PARD3B: variants seen among roughly 807,000 people sequenced by gnomAD.
The protein encoded by PARD3B is partitioning defective 3 homolog B.
In PARD3B, 103 loss-of-function variants were observed where a neutral mutation model predicts 130.2. That is an observed-to-expected ratio of 0.79 (90% CI 0.67 to 0.93). PARD3B has a LOEUF of 0.93. Ranked by LOEUF, PARD3B falls within the 40% of genes least tolerant of loss-of-function variation. The pLI, the probability that PARD3B is intolerant of heterozygous loss-of-function variation, is 0.00. For synonymous variants in PARD3B, 583 were observed against 553.2 expected (o/e 1.05, Z -0.76); for missense variants, 1,609 against 1,499.2 (o/e 1.07, Z -1.21).
chr2:205,054,418 ATATATATATATATATATATTTTTTT>A (rs1343330439), intron 4 of PARD3B, among the ~76,000 whole-genome samples: 1 of 17,184 alleles, frequency 5.8e-5, no homozygotes, highest in African/African-American at 2.1e-4. Flanking sequence ...ATATATATAT[ATATATATATATATATATATTTTTTT>A]TTTTTTTTTT....
chr2:204,928,909 A>G (rs1383220067), intron 2 of PARD3B, among the ~76,000 whole-genome samples: 1 of 152,092 alleles, frequency 6.6e-6, no homozygotes, highest in East Asian at 1.9e-4. Flanking sequence ...ACCCATGGAC[A>G]GTATCTTAGA....
chr2:205,451,602 C>T (rs2106197129), intron 20 of PARD3B, among the ~76,000 whole-genome samples: 1 of 151,162 alleles, frequency 6.6e-6, no homozygotes, highest in South Asian at 2.1e-4. Context: ...TTATGTAGAC[C>T]CTCTTTTATA....
At chr2:204,972,855 G>A (rs931653309) in intron 3 of PARD3B, among the ~76,000 whole-genome samples, 3 of 152,056 alleles carry the variant, frequency 2.0e-5, no homozygotes, top group Non-Finnish European at 2.9e-5. Context: ...TTAGACCCCT[G>A]GGTTTTTAAG....
At chr2:205,598,263 G>A (rs539831864) in intron 22 of PARD3B, among the ~76,000 whole-genome samples, 9 of 152,046 alleles carry the variant, frequency 5.9e-5, no homozygotes, top group South Asian at 2.1e-4. Flanking sequence ...GTAAAGGAAT[G>A]GCGAAAGATG....
Position 205,128,975 on chromosome 2 carries a change from A to G in PARD3B, c.1434+3238A>G, listed in dbSNP as rs2125640927. 6.6e-6 allele frequency among the ~76,000 whole-genome samples: 1 copy of G among 152,338 alleles called. No individual in the cohort carries two copies. The highest frequency in any genetic ancestry group is 1.5e-5 in the Non-Finnish European group (1 of 68,024). On this transcript the variant is annotated intron_variant, in intron 10 of 22. Coordinates refer to ENST00000406610, the MANE Select transcript of PARD3B (RefSeq NM_001302769.2). The surrounding 1 kb of genome is among the most constrained non-coding windows in gnomAD (Gnocchi z 4.5). ...TTCTATCCCAGAATGACATAGGCCA[A>G]GTCCACCAGGGAGCATATTAAGTTA...
Position 205,172,317 on chromosome 2 carries a change from T to C in PARD3B, c.1727T>C (p.Met576Thr), listed in dbSNP as rs2035219398. The C allele has an allele frequency of 1.2e-6, 2 of 1,613,986 alleles. No homozygotes were observed. Among genetic ancestry groups the C allele is most frequent in the Admixed American group, 1.7e-5 (1 of 59,984 alleles). ...AMETLRRSMS[M>T]EGNIRGMIQL... ...GAAACACTTAGGCGGTCAATGTCCA[T>C]GGAGGGAAACATCCGAGGGATGATC... Residue 576 changes from methionine to threonine, a missense_variant, in exon 12 of 23, where the codon ATG becomes ACG. Coordinates refer to ENST00000406610, the MANE Select transcript of PARD3B (RefSeq NM_001302769.2).
chr2:205,365,465 A>T (rs909225824), intron 18 of PARD3B, among the ~76,000 whole-genome samples: 2 of 150,554 alleles, frequency 1.3e-5, no homozygotes, highest in African/African-American at 4.9e-5. Context: ...ACAGCATCGA[A>T]TCCGTTTACA....
At chr2:205,555,415 A>G (rs958561888) in intron 22 of PARD3B, among the ~76,000 whole-genome samples, 1 of 152,108 alleles carries the variant, frequency 6.6e-6, no homozygotes, top group Non-Finnish European at 1.5e-5. Context: ...AGTACAACCA[A>G]TGCTTCTGTT....
chr2:204,899,213 TC>T (rs2046759151), intron 2 of PARD3B, among the ~76,000 whole-genome samples: 1 of 90,122 alleles, frequency 1.1e-5, no homozygotes, highest in African/African-American at 4.6e-5. Flanking sequence ...CTCCCTTCCC[TC>T]CCCTCCTTCC....
intron 2 of PARD3B, among the ~76,000 whole-genome samples, chr2:204,693,350 C>T (rs538234125): frequency 8.6e-5 from 13 of 151,886 alleles, no homozygotes; most frequent in Admixed American, 4.6e-4. Context: ...TTTTGTGCCT[C>T]GTATGTAGGC....
chr2:205,367,168 G>A (rs1487673904), intron 18 of PARD3B, among the ~76,000 whole-genome samples: 1 of 152,208 alleles, frequency 6.6e-6, no homozygotes, highest in African/African-American at 2.4e-5. Flanking sequence ...AGAATGCAGT[G>A]AGGACGATTA....
intron 16 of PARD3B, among the ~76,000 whole-genome samples, chr2:205,298,716 T>G (rs1441276136): frequency 6.6e-6 from 1 of 152,196 alleles, no homozygotes; most frequent in Non-Finnish European, 1.5e-5. Flanking sequence ...TTTGCCTACT[T>G]GACGAGGCTC....
chr2:205,346,929 G>C (rs1455887025), intron 18 of PARD3B, among the ~76,000 whole-genome samples: 1 of 151,980 alleles, frequency 6.6e-6, no homozygotes, highest in Non-Finnish European at 1.5e-5. Context: ...CTCGGTGGGT[G>C]GCCTTCTGTA....
intron 2 of PARD3B, among the ~76,000 whole-genome samples, chr2:204,734,208 C>T (rs1461399233): frequency 6.6e-6 from 1 of 152,122 alleles, no homozygotes; most frequent in Non-Finnish European, 1.5e-5. Context: ...ATCAAAATTA[C>T]AGTGATAACA....
At chr2:205,290,854 C>G (rs2041582695) in intron 16 of PARD3B, among the ~76,000 whole-genome samples, 1 of 152,162 alleles carries the variant, frequency 6.6e-6, no homozygotes, top group African/African-American at 2.4e-5. Flanking sequence ...AAAGAGGCCC[C>G]AGAAAGCTCT....
At chr2:204,615,610 G>A (rs1008275905) in intron 1 of PARD3B, among the ~76,000 whole-genome samples, 2 of 152,032 alleles carry the variant, frequency 1.3e-5, no homozygotes, top group Non-Finnish European at 1.5e-5. Flanking sequence ...TTTTACGTTG[G>A]CAATGAGCAC....
At chr2:204,919,595 T>C (rs2047585712) in intron 2 of PARD3B, among the ~76,000 whole-genome samples, 1 of 152,234 alleles carries the variant, frequency 6.6e-6, no homozygotes, top group South Asian at 2.1e-4. Flanking sequence ...TAATGCTGGG[T>C]GATATTCCAT....
At chr2:205,551,008 C>T (rs1277192283) in intron 21 of PARD3B, among the ~76,000 whole-genome samples, 2 of 143,434 alleles carry the variant, frequency 1.4e-5, no homozygotes, top group African/African-American at 2.6e-5. Context: ...CACACATAAT[C>T]TGTTCCTCGA....
chr2:204,823,295 A>G (rs925729066), intron 2 of PARD3B, among the ~76,000 whole-genome samples: 1 of 152,106 alleles, frequency 6.6e-6, no homozygotes, highest in Non-Finnish European at 1.5e-5. Flanking sequence ...TATATATTAC[A>G]TGTACTATTA....
Sources: allele counts gnomAD v4.1 joint callset (sites outside exome capture counted in the v4.1 genomes callset), GRCh38; gene constraint gnomAD v4.1.1; non-coding constraint Gnocchi (gnomAD v3.1); transcripts MANE v1.5; gene names NCBI Gene and HGNC (gene_info 2026-07-23, HGNC 2026-07-21).